Variants in DNAH14 observed in about 807,000 individuals in gnomAD.
DNAH14 encodes dynein axonemal heavy chain 14.
Under a neutral mutation model 520.9 loss-of-function variants are expected in DNAH14, and 478 were observed. That is an observed-to-expected ratio of 0.92 (90% CI 0.85 to 0.99). The LOEUF (loss-of-function observed/expected upper bound fraction) is 0.99. Among genes scored for constraint, DNAH14 ranks in the 50% least tolerant of loss-of-function variants. The pLI is 0.00. For synonymous variants in DNAH14, 1,581 were observed against 1,757.2 expected (o/e 0.90, Z 2.51); for missense variants, 4,831 against 5,234.5 (o/e 0.92, Z 2.38).
chr1:225,299,833 G>A (rs901454975), intron 55 of DNAH14, among the ~76,000 whole-genome samples: 2 of 152,082 alleles, frequency 1.3e-5, no homozygotes, highest in African/African-American at 2.4e-5. Context: ...CACATATGAG[G>A]TGAGACAGGA....
chr1:225,272,793 C>G (rs1334153301), intron 51 of DNAH14, among the ~76,000 whole-genome samples, 162 bp from the exon 52 acceptor site: 1 of 152,168 alleles, frequency 6.6e-6, no homozygotes, highest in Non-Finnish European at 1.5e-5. Context: ...ACTTTCCCAT[C>G]TCATCAAAGC....
At chr1:225,337,560 A>G in intron 67 of DNAH14, 64 bp downstream of exon 67, 1 of 1,296,512 alleles carries the variant, frequency 7.7e-7, no homozygotes. Flanking sequence ...CACTGAGCAT[A>G]AAGGCTAAAA....
chr1:225,217,519 G>T (rs2089528522), intron 41 of DNAH14, among the ~76,000 whole-genome samples: 1 of 152,212 alleles, frequency 6.6e-6, no homozygotes, highest in Non-Finnish European at 1.5e-5. Context: ...GCAGAGGCAG[G>T]CAGGCCTCCT....
rs1385046530 is a variant in DNAH14, at chr1:225,377,265, GCATAAAGGACTA to G, written c.12550_12561del (p.Lys4184_Ile4187del). The G allele has an allele frequency of 2.1e-5, 30 of 1,438,182 alleles. No individual in the cohort carries two copies. The highest frequency in any genetic ancestry group is 2.7e-5 in the Non-Finnish European group (29 of 1,088,898). The allele number at this position is 1,438,182 out of a possible 1,614,324, so 89.1% of individuals were successfully genotyped here. ...TGTCTGCCAGTTCCAGGATCTGCAAGCATAAAGGACTACATACACATTATCCAGTCCTTACCT... is the reference window on the plus strand; with the variant it reads ...TGTCTGCCAGTTCCAGGATCTGCAAGCATACACATTATCCAGTCCTTACCT... On this transcript the variant is annotated inframe_deletion, in exon 79 of 86. Coordinates refer to ENST00000682510, the MANE Select transcript of DNAH14 (RefSeq NM_001367479.1).
At chr1:225,185,466 TA>T in intron 37 of DNAH14, 41 bp downstream of exon 37, 1 of 1,478,352 alleles carries the variant, frequency 6.8e-7, no homozygotes, top group South Asian at 1.4e-5. Flanking sequence ...TATTTGTTCA[TA>T]TCTTATTTTA....
intron 1 of DNAH14, among the ~76,000 whole-genome samples, chr1:224,930,737 A>G (rs1237040036): frequency 6.6e-6 from 1 of 152,084 alleles, no homozygotes; most frequent in Admixed American, 6.5e-5. Flanking sequence ...AGCTGGGACT[A>G]CAGGCGTCCT....
chr1:225,205,578 T>A (rs1281637473), intron 39 of DNAH14, among the ~76,000 whole-genome samples: 1 of 152,230 alleles, frequency 6.6e-6, no homozygotes, highest in African/African-American at 2.4e-5. Context: ...GTTTGATTAT[T>A]TCTTCAAAGA....
intron 41 of DNAH14, among the ~76,000 whole-genome samples, chr1:225,210,865 C>T (rs893227427): frequency 3.3e-5 from 5 of 152,214 alleles, no homozygotes; most frequent in Non-Finnish European, 5.9e-5. Context: ...CAAACAGGAT[C>T]TGGAGTGGAC....
intron 36 of DNAH14, among the ~76,000 whole-genome samples, chr1:225,181,034 T>G (rs375980613): frequency 1.3e-5 from 2 of 152,210 alleles, no homozygotes; most frequent in Admixed American, 1.3e-4. Flanking sequence ...TCTGCCCATG[T>G]GTACTTAAGA....
chr1:225,310,994 C>T (rs2094352725), intron 60 of DNAH14, among the ~76,000 whole-genome samples: 1 of 152,138 alleles, frequency 6.6e-6, no homozygotes, highest in Admixed American at 6.6e-5. Flanking sequence ...AATGGTATTT[C>T]TGGTTCTAGA....
intron 27 of DNAH14, among the ~76,000 whole-genome samples, chr1:225,123,903 C>A (rs1281269353): frequency 6.6e-6 from 1 of 152,070 alleles, no homozygotes; most frequent in African/African-American, 2.4e-5. Flanking sequence ...CAGGTGTGCA[C>A]CACCATGCCT....
intron 37 of DNAH14, among the ~76,000 whole-genome samples, chr1:225,185,946 GTTTTT>G (rs11443248): frequency 1.0e-5 from 1 of 98,784 alleles, no homozygotes; most frequent in Non-Finnish European, 1.9e-5. Context: ...ATTACACTTT[GTTTTT>G]TTTTTTTTTT....
chr1:225,214,103 A>C (rs2088893517), intron 41 of DNAH14, among the ~76,000 whole-genome samples: 1 of 152,096 alleles, frequency 6.6e-6, no homozygotes, highest in African/African-American at 2.4e-5. Context: ...GTTTATTGAG[A>C]GTGTTTAGCA....
intron 60 of DNAH14, among the ~76,000 whole-genome samples, chr1:225,313,198 T>C (rs912751532): frequency 1.3e-5 from 2 of 152,218 alleles, no homozygotes; most frequent in African/African-American, 4.8e-5. Flanking sequence ...CAGGAATGTA[T>C]CCATTTCTTC....
intron 15 of DNAH14, among the ~76,000 whole-genome samples, chr1:225,049,768 AT>A (rs2068343167): frequency 1.7e-5 from 2 of 120,006 alleles, no homozygotes; most frequent in Admixed American, 8.6e-5. Flanking sequence ...CTGTCTATCT[AT>A]CTACCTATCT....
intron 37 of DNAH14, 69 bp downstream of exon 37, chr1:225,185,494 G>A: frequency 2.1e-6 from 3 of 1,401,086 alleles, no homozygotes; most frequent in Non-Finnish European, 2.8e-6. Flanking sequence ...AATATTTTAT[G>A]TTCTCTTTAT....
intron 64 of DNAH14, among the ~76,000 whole-genome samples, chr1:225,327,450 C>T (rs74929159): frequency 0.14 from 20,834 of 152,002 alleles, 1,652 homozygotes; most frequent in South Asian, 0.25. Context: ...TGTCAGCCAC[C>T]GCACCTGGCC....
chr1:225,286,359 AT>A (rs1310555796), intron 54 of DNAH14, among the ~76,000 whole-genome samples: 1 of 152,158 alleles, frequency 6.6e-6, no homozygotes, highest in African/African-American at 2.4e-5. Context: ...ATTTACTCCA[AT>A]TTGATTATTA....
At chr1:225,106,694 C>T (rs192248875) in intron 23 of DNAH14, among the ~76,000 whole-genome samples, 11,573 of 152,050 alleles carry the variant, frequency 0.076, 1,421 homozygotes, top group African/African-American at 0.26. Context: ...CTTGTGCATT[C>T]GTCACATAGT....
Sources: allele counts gnomAD v4.1 joint callset (sites outside exome capture counted in the v4.1 genomes callset), GRCh38; gene constraint gnomAD v4.1.1; transcripts MANE v1.5; gene names NCBI Gene and HGNC (gene_info 2026-07-23, HGNC 2026-07-21).